Variants in ZNF723 observed in about 807,000 individuals in gnomAD.
ZNF723 encodes zinc finger protein 723, pseudogene.
A neutral mutation model predicts 9.4 loss-of-function variants in ZNF723; 5 were observed. The ratio of observed to expected loss-of-function variants is 0.53; its 90% CI spans 0.28 to 1.12. The LOEUF is 1.12. ZNF723 is among the 50% of genes most tolerant of loss of function. The probability of loss-of-function intolerance (pLI) is 0.10; values close to 1 mark genes in which losing one functional copy is unlikely to be tolerated. For synonymous variants in ZNF723, 158 were observed against 168.8 expected (o/e 0.94, Z 0.49); for missense variants, 450 against 501.5 (o/e 0.90, Z 0.98).
chr19:22,848,620 C>A (rs540008983), intron 2 of ZNF723, among the ~76,000 whole-genome samples: 2 of 152,098 alleles, frequency 1.3e-5, no homozygotes, highest in Non-Finnish European at 2.9e-5. Context: ...TTTTTACTCA[C>A]CATTAGCGAT....
the ZNF723 span, among the ~76,000 whole-genome samples, chr19:22,816,992 T>C: frequency 2.6e-3 from 389 of 152,360 alleles, no homozygotes; most frequent in African/African-American, 7.7e-3. Flanking sequence ...TATTTTCCAC[T>C]GCTTGGGCTG....
chr19:22,851,759 T>C (rs1967398870), intron 3 of ZNF723, among the ~76,000 whole-genome samples: 1 of 152,148 alleles, frequency 6.6e-6, no homozygotes, highest in South Asian at 2.1e-4. Flanking sequence ...GTTTTTGAAG[T>C]AAAATAATTT....
At chr19:22,844,184 C>T (rs1479665016) in intron 1 of ZNF723, among the ~76,000 whole-genome samples, 2 of 152,128 alleles carry the variant, frequency 1.3e-5, no homozygotes, top group Admixed American at 6.6e-5. Context: ...ATTTTAATGT[C>T]TTAATTTTTA....
rs1967488519 is a variant in ZNF723, at chr19:22,857,033, T to G, written c.227-85T>G. ...TTTTGCTATGCCATCTTATGTAGTT[T>G]GTATAATTTTATAGCTTAGATTTGT... On this transcript the variant is annotated intron_variant, in intron 3 of 3. Coordinates refer to ENST00000600766, the MANE Select transcript of ZNF723 (RefSeq NM_001349726.2). 5 of 580,094 alleles carry G rather than the reference T, an allele frequency of 8.6e-6. No homozygotes were observed. The South Asian group carries it at 1.7e-4, about 20-fold the overall frequency. 35.9% of individuals were successfully genotyped at this position (580,094 alleles called of 1,614,324 possible).
chr19:22,832,511 C>A, intron 1 of ZNF723, 129 bp downstream of exon 1: 1 of 1,068,990 alleles, frequency 9.4e-7, no homozygotes. Context: ...TCTAGCCTGG[C>A]CCGGCCTCAG....
At chr19:22,833,179 A>G (rs2617777) in intron 1 of ZNF723, among the ~76,000 whole-genome samples, 56,753 of 151,618 alleles carry the variant, frequency 0.37, 11,133 homozygotes, top group African/African-American at 0.52. Context: ...TTGAGACGGA[A>G]TTTCACTCTT....
rs1166921748 is a variant in ZNF723, at chr19:22,858,033, C to T, written c.1142C>T (p.Ser381Phe). Residue 381 changes from serine (S) to phenylalanine (F), a missense_variant, in exon 4 of 4, where the codon TCT becomes TTT. Physicochemically the swap from Ser to Phe is radical, Grantham distance 155. Transcript: ENST00000600766. ...CEECGKAFKV[S>F]VHLTTHKRIH... Reference sequence around the variant, plus strand: ...GAATGTGGCAAAGCTTTTAAAGTATCTGTACACCTTACTACACATAAGAGA... The same window carrying T: ...GAATGTGGCAAAGCTTTTAAAGTATTTGTACACCTTACTACACATAAGAGA... The T allele has an allele frequency of 1.3e-6, 2 of 1,524,134 alleles. No homozygotes were observed. The highest frequency in any genetic ancestry group is 9.1e-7 in the Non-Finnish European group (1 of 1,101,654). The allele number at this position is 1,524,134 out of a possible 1,614,324, so 94.4% of individuals were successfully genotyped here.
intron 1 of ZNF723, among the ~76,000 whole-genome samples, chr19:22,847,659 A>G (rs965356485): frequency 5.9e-5 from 9 of 152,226 alleles, no homozygotes; most frequent in African/African-American, 2.2e-4. Context: ...ATGTTAATAT[A>G]GCACTCAAAA....
chr19:22,816,060 ACT>A, the ZNF723 span, among the ~76,000 whole-genome samples: 2 of 152,104 alleles, frequency 1.3e-5, no homozygotes, highest in African/African-American at 4.8e-5. Context: ...AGAGATGTTG[ACT>A]CTCATTACTG....
chr19:22,852,647 GTAT>G (rs763329418), intron 3 of ZNF723, among the ~76,000 whole-genome samples: 10 of 152,102 alleles, frequency 6.6e-5, no homozygotes, highest in African/African-American at 2.4e-4. Flanking sequence ...ACTTTATTAG[GTAT>G]TATTGTTCAT....
At chr19:22,848,886 C>T (rs1477653737) in intron 2 of ZNF723, among the ~76,000 whole-genome samples, 3 of 151,932 alleles carry the variant, frequency 2.0e-5, no homozygotes, top group Non-Finnish European at 4.4e-5. Flanking sequence ...TTCTGAGTCG[C>T]TGGGAGTAGA....
rs1404376158 is a variant in ZNF723, at chr19:22,854,297, ATAT to A, written c.227-2816_227-2814del. Among the ~76,000 whole-genome samples the A allele has an allele frequency of 2.0e-5, 3 of 152,036 alleles. No homozygotes were observed. The East Asian group carries it at 5.8e-4, about 29-fold the overall frequency. ...TTTGACTTCAGATATAGCTTATGTAATATTATTTTGATCTCTTCTTCTCTCATT... is the reference window on the plus strand; with the variant it reads ...TTTGACTTCAGATATAGCTTATGTAATATTTTGATCTCTTCTTCTCTCATT... On this transcript the variant is annotated intron_variant, in intron 3 of 3. Coordinates refer to ENST00000600766, the MANE Select transcript of ZNF723 (RefSeq NM_001349726.2).
chr19:22,855,321 C>T (rs1238341332), intron 3 of ZNF723, among the ~76,000 whole-genome samples: 4 of 151,548 alleles, frequency 2.6e-5, no homozygotes, highest in South Asian at 4.2e-4. Flanking sequence ...CTCCACCTCC[C>T]GGGTTCAAGT....
At chr19:22,818,860 GATAT>G in the ZNF723 span, among the ~76,000 whole-genome samples, 8 of 152,076 alleles carry the variant, frequency 5.3e-5, no homozygotes, top group African/African-American at 1.7e-4. Context: ...GCCCTGCCCA[GATAT>G]GCCATTGTGC....
chr19:22,832,742 G>T (rs1278057148), intron 1 of ZNF723, among the ~76,000 whole-genome samples: 1 of 152,112 alleles, frequency 6.6e-6, no homozygotes, highest in Non-Finnish European at 1.5e-5. Flanking sequence ...TTGGTCCGTG[G>T]GGTTCCTAGT....
In ZNF723 at chr19:22,857,910, T is replaced by C. The variant is rs767929204; in HGVS notation, c.1019T>C (p.Leu340Pro). The change falls in exon 4 of 4, where the codon CTC (leucine) becomes CCC (proline). Residue 340 changes from leucine (L) to proline (P), a missense_variant. By Grantham distance (98) the Leu-to-Pro change is moderately conservative. This residue lies in a region of ZNF723 where 237 missense variants were observed against 332.2 expected (regional missense o/e 0.71). Transcript: ENST00000600766. Reference protein sequence around the residue: ...THKRIHTGEKLYKCEECGKAF... With the variant: ...THKRIHTGEKPYKCEECGKAF... ...AAGAGAATTCATACTGGAGAGAAAC[T>C]CTACAAATGTGAAGAATGTGGCAAA... 3.8e-5 allele frequency: 53 copies of C among 1,397,998 alleles called. No homozygotes were observed. The highest frequency in any genetic ancestry group is 1.9e-4 in the African/African-American group (11 of 58,908). 86.6% of individuals were successfully genotyped at this position (1,397,998 alleles called of 1,614,324 possible).
rs1967511117 is a variant in ZNF723, at chr19:22,858,209, C to T, written c.1318C>T (p.Leu440Phe). Residue 440 changes from leucine to phenylalanine, a missense_variant, in exon 4 of 4, where the codon CTT becomes TTT. Coordinates refer to ENST00000600766, the MANE Select transcript of ZNF723 (RefSeq NM_001349726.2). ...TAAAGGTTTTAGCCAATCCTCAACC[C>T]TTACTAAACATAAGATAATTCATAC... ...CGKGFSQSSTLTKHKIIHTKE... is the reference protein window; with the variant it reads ...CGKGFSQSSTFTKHKIIHTKE... The T allele has an allele frequency of 7.3e-7, 1 of 1,373,110 alleles. No homozygotes were observed. 85.1% of individuals were successfully genotyped at this position (1,373,110 alleles called of 1,614,324 possible).
rs1967279184 is a variant in ZNF723 at position 22,844,039 on chromosome 19, C to T, written c.4-4222C>T. Among the ~76,000 whole-genome samples the T allele has an allele frequency of 1.3e-5, 2 of 152,224 alleles. 1 individual carries two copies. Among genetic ancestry groups the T allele is most frequent in the South Asian group, 4.2e-4 (2 of 4,816 alleles). On this transcript the variant is annotated intron_variant, in intron 1 of 3. Coordinates refer to ENST00000600766, the MANE Select transcript of ZNF723 (RefSeq NM_001349726.2). ...TTTGGGGTCTTGTTTAGATCTGGCC[C>T]CACTCTGGAGTCTTGCCTCACAGAA...
At chr19:22,812,244 T>A in the ZNF723 span, among the ~76,000 whole-genome samples, 1 of 152,194 alleles carries the variant, frequency 6.6e-6, no homozygotes, top group East Asian at 1.9e-4. Flanking sequence ...GTGCTGGGAT[T>A]ACAGGTGTGA....
Sources: allele counts gnomAD v4.1 joint callset (sites outside exome capture counted in the v4.1 genomes callset), GRCh38; gene constraint gnomAD v4.1.1; regional missense constraint gnomAD v4.1.1; transcripts MANE v1.5; gene names NCBI Gene and HGNC (gene_info 2026-07-23, HGNC 2026-07-21).